Variants in UNC79 observed in about 807,000 individuals in gnomAD.
The protein encoded by UNC79 is protein unc-79 homolog.
A neutral mutation model predicts 283.1 loss-of-function variants in UNC79; 37 were observed. The observed-to-expected ratio is 0.13, with a 90% CI of 0.10 to 0.17. The LOEUF (loss-of-function observed/expected upper bound fraction) is 0.17, where lower values mean the gene tolerates loss of function less well. Ranked by LOEUF, UNC79 falls within the 10% of genes least tolerant of loss-of-function variation. The pLI is 1.00. For synonymous variants in UNC79, 1,107 were observed against 1,200.2 expected (o/e 0.92, Z 1.61); for missense variants, 2,272 against 3,211.1 (o/e 0.71, Z 7.07).
intron 7 of UNC79, among the ~76,000 whole-genome samples, chr14:93,507,817 C>T (rs76822353): frequency 0.014 from 2,080 of 152,192 alleles, 57 homozygotes; most frequent in African/African-American, 0.048. Context: ...TTTCTCCTTC[C>T]AGAAGGTCTA....
chr14:93,528,537 C>G (rs1360432507), intron 8 of UNC79, 21 bp from the exon 9 acceptor site: 1 of 1,608,784 alleles, frequency 6.2e-7, no homozygotes, highest in Non-Finnish European at 8.5e-7. Context: ...AGAGTTCATT[C>G]TGTCTTTTCA....
intron 1 of UNC79, among the ~76,000 whole-genome samples, chr14:93,402,252 G>A (rs2055122704): frequency 7.6e-6 from 1 of 131,184 alleles, no homozygotes; most frequent in Admixed American, 8.6e-5. Context: ...ATTCCAGCCT[G>A]AGTGACAGAG....
intron 1 of UNC79, chr14:93,464,686 G>A (rs758083251): frequency 2.3e-6 from 1 of 439,280 alleles, no homozygotes; most frequent in Admixed American, 2.6e-5. Context: ...GAGCTTACTA[G>A]AGAAATGTAG....
exon 1 of UNC79, chr14:93,333,313 A>G: frequency 2.5e-6 from 1 of 399,230 alleles, no homozygotes; most frequent in African/African-American, 2.1e-5. Flanking sequence ...GTGACACATT[A>G]TTAAATGTAT....
chr14:93,676,541 C>T (rs180927360), intron 41 of UNC79, among the ~76,000 whole-genome samples: 9 of 152,304 alleles, frequency 5.9e-5, no homozygotes, highest in Non-Finnish European at 1.0e-4. Context: ...ACCTAGACTT[C>T]AGGGCACTGA....
At chr14:93,644,938 A>G (rs2069438812) in intron 34 of UNC79, among the ~76,000 whole-genome samples, 1 of 152,144 alleles carries the variant, frequency 6.6e-6, no homozygotes, top group South Asian at 2.1e-4. Flanking sequence ...CAAGTAAGGG[A>G]TGGATATGGG....
chr14:93,560,637 C>T (rs906067288), intron 14 of UNC79, among the ~76,000 whole-genome samples: 2 of 151,540 alleles, frequency 1.3e-5, no homozygotes, highest in African/African-American at 4.9e-5. Context: ...GAACAGGGAG[C>T]TCTTCGGTCC....
At chr14:93,618,297 G>A (rs1335530818) in exon 29 of UNC79, 2 of 1,613,900 alleles carry the variant, frequency 1.2e-6, no homozygotes, top group Middle Eastern at 1.6e-4. Context: ...CCATGCCACG[G>A]CAGGACCTTT....
At chr14:93,670,209 A>C (rs1419085715) in intron 40 of UNC79, among the ~76,000 whole-genome samples, 1 of 152,138 alleles carries the variant, frequency 6.6e-6, no homozygotes, top group Non-Finnish European at 1.5e-5. Context: ...CTTCCCACCA[A>C]AAAGCAAGCA....
chr14:93,476,663 C>G (rs1374393007), intron 3 of UNC79, among the ~76,000 whole-genome samples: 1 of 152,160 alleles, frequency 6.6e-6, no homozygotes, highest in Non-Finnish European at 1.5e-5. Context: ...ATAATGAATA[C>G]AAAAGTGATC....
At chr14:93,377,405 T>C (rs2139980497) in intron 1 of UNC79, among the ~76,000 whole-genome samples, 1 of 152,206 alleles carries the variant, frequency 6.6e-6, no homozygotes, top group Admixed American at 6.5e-5. Flanking sequence ...AGAATAGTTG[T>C]TTCTTAAAGA....
rs186366341 is a variant in UNC79, at chr14:93,406,980, A to C, written c.-350-60691A>C. ...TAGATAGTCTAGGGAGGAATTCTTC[A>C]TTTTTTCCTTGCTTCTGGTGGCTCC... is the stretch of plus-strand genomic sequence containing the variant. On this transcript the variant is annotated intron_variant, in intron 1 of 49. Coordinates refer to the UNC79 transcript ENST00000256339. Among the ~76,000 whole-genome samples, 10 of 152,148 alleles carry C rather than the reference A, an allele frequency of 6.6e-5. No homozygotes were observed. The East Asian group carries it at 1.5e-3, about 24-fold the overall frequency.
At chr14:93,427,062 CA>C (rs2055748084), upstream of UNC79, among the ~76,000 whole-genome samples, 4 of 152,200 alleles carry the variant, frequency 2.6e-5, no homozygotes, top group South Asian at 8.3e-4. Context: ...TATTGAATAT[CA>C]GTTTAGTTCT....
At chr14:93,567,309 T>G (rs986177955) in intron 14 of UNC79, among the ~76,000 whole-genome samples, 2 of 152,222 alleles carry the variant, frequency 1.3e-5, no homozygotes, top group African/African-American at 4.8e-5. Flanking sequence ...CAGTGCAACC[T>G]CCGCCTCCCA....
At chr14:93,413,265 G>C (rs2055374442) in intron 1 of UNC79, among the ~76,000 whole-genome samples, 1 of 148,772 alleles carries the variant, frequency 6.7e-6, no homozygotes, top group African/African-American at 2.5e-5. Flanking sequence ...CTATGAGTGA[G>C]AATATGCGGT....
exon 6 of UNC79, chr14:93,496,444 A>G: frequency 6.5e-7 from 1 of 1,547,280 alleles, no homozygotes; most frequent in Non-Finnish European, 8.7e-7. Flanking sequence ...TGCCTCATGA[A>G]ATATAAACAA....
chr14:93,657,722 G>C lies in UNC79; in HGVS notation c.6457-1471G>C, dbSNP rs565059317. ...AGATTTAACTTGGGCACAGAAGAGT[G>C]GCAAGTGTTGCCAGCTGTAAACAAG... On this transcript the variant is annotated intron_variant, in intron 38 of 48. Transcript: ENST00000555664. Among the ~76,000 whole-genome samples the C allele has an allele frequency of 2.6e-5, 4 of 152,276 alleles. No homozygotes were observed. In the East Asian group the frequency reaches 7.7e-4, roughly 29 times the overall value.
chr14:93,545,754 A>C lies in UNC79; in HGVS notation c.1755+3058A>C, dbSNP rs374880154. 9.8e-5 allele frequency among the ~76,000 whole-genome samples: 15 copies of C among 152,350 alleles called. No individual in the cohort carries two copies. The South Asian group carries it at 3.1e-3, about 32-fold the overall frequency. On this transcript the variant is annotated intron_variant, in intron 14 of 48. Coordinates refer to ENST00000555664, the Ensembl canonical transcript of UNC79. The stretch of plus-strand genomic sequence containing the variant: ...CTGATGGGTTCTTCCTGCCTGCTGC[A>C]CAAACAACATCGATTCACGGAATTG...
Position 93,650,167 on chromosome 14 carries a change from C to T in UNC79, c.6083+3521C>T, listed in dbSNP as rs1292908186. ...TTTTATCAGGAGTTTGTTTCTTTTT[C>T]AAGGCTGAATTGTATCCCATAATTT... On this transcript the variant is annotated intron_variant, in intron 35 of 48. Coordinates refer to ENST00000555664, the Ensembl canonical transcript of UNC79. Among the ~76,000 whole-genome samples the T allele has an allele frequency of 2.0e-5, 3 of 152,078 alleles. No individual in the cohort carries two copies. The East Asian group carries it at 5.8e-4, about 29-fold the overall frequency.
Sources: gnomAD v4.1 joint callset for allele counts (sites outside exome capture counted in the v4.1 genomes callset) on GRCh38, gnomAD v4.1.1 for gene constraint, MANE v1.5 for transcripts, NCBI Gene and HGNC (gene_info 2026-07-23, HGNC 2026-07-21) for gene names.